RBFOX1: variants seen among roughly 807,000 people sequenced by gnomAD.
RBFOX1 encodes the protein RNA binding fox-1 homolog 1, also known as RNA binding protein fox-1 homolog 1.
RBFOX1 carries 8 observed loss-of-function variants against 57.7 expected under a neutral mutation model. The ratio of observed to expected loss-of-function variants is 0.14; its 90% CI spans 0.08 to 0.25. RBFOX1 has a LOEUF of 0.25. Among genes scored for constraint, RBFOX1 ranks in the 10% least tolerant of loss-of-function variants. The pLI, the probability that RBFOX1 is intolerant of heterozygous loss-of-function variation, is 1.00. For missense variants in RBFOX1, 611 were observed against 548.5 expected, an observed-to-expected ratio of 1.11 and a Z score of -1.14; for synonymous variants, 326 against 222.4, an observed-to-expected ratio of 1.47 and a Z score of -4.15.
chr16:6,944,910 G>C (rs909255555), intron 3 of RBFOX1, among the ~76,000 whole-genome samples: 12 of 152,156 alleles, frequency 7.9e-5, no homozygotes, highest in African/African-American at 2.9e-4. Flanking sequence ...GCAGCTCTTA[G>C]CTATTCTGTC....
chr16:6,848,071 A>G (rs747059016), intron 3 of RBFOX1, among the ~76,000 whole-genome samples: 4 of 151,966 alleles, frequency 2.6e-5, no homozygotes, highest in Non-Finnish European at 4.4e-5. Context: ...ACCTCAAGTG[A>G]TCCACCCACC....
At chr16:7,134,458 C>T (rs562385737) in intron 4 of RBFOX1, among the ~76,000 whole-genome samples, 1 of 152,156 alleles carries the variant, frequency 6.6e-6, no homozygotes, top group Non-Finnish European at 1.5e-5. Context: ...TGTTTTCATG[C>T]ATTTTCCAGT....
intron 4 of RBFOX1, among the ~76,000 whole-genome samples, chr16:7,299,271 C>G (rs955258672): frequency 1.3e-5 from 2 of 152,140 alleles, no homozygotes; most frequent in African/African-American, 4.8e-5. Context: ...GTCTTTTAGG[C>G]AAAAGATGGC....
chr16:5,867,696 AT>A (rs1228590714), intron 4 of RBFOX1, among the ~76,000 whole-genome samples: 1 of 151,674 alleles, frequency 6.6e-6, no homozygotes. Context: ...TTCTTTGTAT[AT>A]TTTTTTCCTT....
chr16:6,838,008 C>CTTT (rs58455545), intron 3 of RBFOX1, among the ~76,000 whole-genome samples: 1 of 148,452 alleles, frequency 6.7e-6, no homozygotes, highest in East Asian at 2.0e-4. Context: ...GTTACCACCC[C>CTTT]TTTTTTTTTT....
intron 4 of RBFOX1, among the ~76,000 whole-genome samples, chr16:7,227,576 C>G (rs1012923471): frequency 6.6e-6 from 1 of 152,212 alleles, no homozygotes; most frequent in African/African-American, 2.4e-5. Flanking sequence ...AAAGCATTGA[C>G]TGAAATGCAA....
At chr16:5,556,616 C>G (rs901978399) in intron 2 of RBFOX1, among the ~76,000 whole-genome samples, 7 of 152,200 alleles carry the variant, frequency 4.6e-5, no homozygotes, top group African/African-American at 1.4e-4. Context: ...CAGAGGATGC[C>G]AACCCTCTCC....
chr16:5,897,719 A>T (rs904990141), intron 4 of RBFOX1, among the ~76,000 whole-genome samples: 1 of 152,124 alleles, frequency 6.6e-6, no homozygotes, highest in Non-Finnish European at 1.5e-5. Flanking sequence ...AGTTTGAAAG[A>T]CCTGACTGGT....
intron 1 of RBFOX1, among the ~76,000 whole-genome samples, chr16:6,176,510 TA>T (rs1383599266): frequency 6.6e-6 from 1 of 151,902 alleles, no homozygotes; most frequent in African/African-American, 2.4e-5. Flanking sequence ...CTTCTCATTG[TA>T]AGAGGAGGCA....
chr16:7,110,466 A>G (rs959705291), intron 4 of RBFOX1, among the ~76,000 whole-genome samples: 6 of 152,196 alleles, frequency 3.9e-5, no homozygotes, highest in African/African-American at 1.4e-4. Flanking sequence ...GACTTCAGCC[A>G]ATTAACACAG....
chr16:6,389,235 T>C (rs1273129657), intron 2 of RBFOX1, among the ~76,000 whole-genome samples: 1 of 152,126 alleles, frequency 6.6e-6, no homozygotes, highest in African/African-American at 2.4e-5. Flanking sequence ...TCTGTGTCTG[T>C]GGGCACAAGT....
At chr16:7,277,968 T>G (rs2095472549) in intron 4 of RBFOX1, among the ~76,000 whole-genome samples, 1 of 150,442 alleles carries the variant, frequency 6.6e-6, no homozygotes, top group Non-Finnish European at 1.5e-5. Flanking sequence ...AAAAAGGTAC[T>G]AAGACATTAA....
intron 3 of RBFOX1, among the ~76,000 whole-genome samples, chr16:6,676,891 G>A (rs2057814870): frequency 6.6e-6 from 1 of 151,750 alleles, no homozygotes; most frequent in Non-Finnish European, 1.5e-5. Context: ...GGCCATGCTG[G>A]TTTTGAACCC....
intron 3 of RBFOX1, among the ~76,000 whole-genome samples, chr16:6,688,136 G>T (rs2059707372): frequency 6.6e-6 from 1 of 152,070 alleles, no homozygotes; most frequent in Non-Finnish European, 1.5e-5. Context: ...TGTACAGGAA[G>T]CACCACGGCT....
intron 4 of RBFOX1, among the ~76,000 whole-genome samples, chr16:7,228,660 C>G (rs866473642): frequency 3.9e-4 from 60 of 152,132 alleles, no homozygotes; most frequent in African/African-American, 1.4e-3. Context: ...CTCTTTGCAC[C>G]TGATTGGCTG....
intron 4 of RBFOX1, chr16:7,422,802 A>G (rs1267565785): frequency 6.6e-6 from 1 of 151,994 alleles, no homozygotes; most frequent in African/African-American, 2.4e-5. Flanking sequence ...CAAGGAGGAA[A>G]CCTGCTTGTT....
chr16:7,285,314 A>G (rs1193252840), intron 4 of RBFOX1, among the ~76,000 whole-genome samples: 4 of 152,038 alleles, frequency 2.6e-5, no homozygotes, highest in African/African-American at 9.7e-5. Context: ...GATCACATCT[A>G]GGATATTGAT....
chr16:6,538,120 A>C (rs1348655796), intron 2 of RBFOX1, among the ~76,000 whole-genome samples: 1 of 152,156 alleles, frequency 6.6e-6, no homozygotes, highest in Non-Finnish European at 1.5e-5. Flanking sequence ...ATTCAAGGAC[A>C]TTAGATTCAC....
chr16:5,850,161 T>C (rs2056857848), intron 3 of RBFOX1, among the ~76,000 whole-genome samples: 1 of 152,114 alleles, frequency 6.6e-6, no homozygotes, highest in Non-Finnish European at 1.5e-5. Context: ...TCCAATTAAC[T>C]GGTTAATTGA....
Sources: allele counts gnomAD v4.1 joint callset (sites outside exome capture counted in the v4.1 genomes callset), GRCh38; gene constraint gnomAD v4.1.1; transcripts MANE v1.5; gene names NCBI Gene and HGNC (gene_info 2026-07-23, HGNC 2026-07-21).